The following MORN3 variants were observed in gnomAD, a reference collection of about 807,000 sequenced individuals.
MORN3 encodes MORN repeat containing 3.
In MORN3, 38 loss-of-function variants were observed where a neutral mutation model predicts 34.7. The observed-to-expected ratio is 1.10, with a 90% CI of 0.85 to 1.44. The LOEUF (loss-of-function observed/expected upper bound fraction) is 1.44. Among genes scored for constraint, MORN3 ranks in the 40% most tolerant of loss-of-function variants. The probability of loss-of-function intolerance (pLI) is 0.00; values close to 1 mark genes in which losing one functional copy is unlikely to be tolerated. For missense variants in MORN3, 311 were observed against 321.7 expected, an observed-to-expected ratio of 0.97 and a Z score of 0.25; for synonymous variants, 109 against 115.3, an observed-to-expected ratio of 0.95 and a Z score of 0.35.
chr12:121,665,490 G>C (rs1489808235), intron 1 of MORN3, among the ~76,000 whole-genome samples: 2 of 150,726 alleles, frequency 1.3e-5, no homozygotes. Context: ...GGTCTTGGCC[G>C]GGCGCGGTGG....
upstream of MORN3, among the ~76,000 whole-genome samples, chr12:121,671,954 G>C (rs1893980648): frequency 6.6e-6 from 1 of 151,848 alleles, no homozygotes; most frequent in Non-Finnish European, 1.5e-5. Context: ...GACTCCTCTT[G>C]GCTTACTCAG....
intron 1 of MORN3, among the ~76,000 whole-genome samples, chr12:121,668,711 C>G (rs545819861): frequency 4.6e-5 from 7 of 152,204 alleles, no homozygotes; most frequent in African/African-American, 1.7e-4. Flanking sequence ...CAGAGCAAGA[C>G]CTTGTCCCCT....
In MORN3 at chr12:121,649,924, T is replaced by G. The variant is rs1555324865; in HGVS notation, c.*1727A>C. On this transcript the variant is annotated 3_prime_UTR_variant, in exon 6 of 6. Coordinates refer to ENST00000355329, the MANE Select transcript of MORN3 (RefSeq NM_173855.5). ...ACTATGCTTAACCGCATCCCTGGTCTCTACTCACTCAATGCCAGTAGCCTT... is the reference window on the plus strand; with the variant it reads ...ACTATGCTTAACCGCATCCCTGGTCGCTACTCACTCAATGCCAGTAGCCTT... 1 of 150,458 alleles carries G rather than the reference T, an allele frequency of 6.6e-6. No homozygotes were observed. Among genetic ancestry groups the G allele is most frequent in the East Asian group, 2.0e-4 (1 of 5,126 alleles). 9.3% of individuals were successfully genotyped at this position (150,458 alleles called of 1,614,324 possible).
At chr12:121,669,825 TA>T (rs1566488418), upstream of MORN3, among the ~76,000 whole-genome samples, 4 of 117,372 alleles carry the variant, frequency 3.4e-5, no homozygotes, top group African/African-American at 1.2e-4. Context: ...TATATATATA[TA>T]TATATATTTT....
chr12:121,652,746 C>T lies in MORN3; in HGVS notation c.711G>A (p.Glu237=), dbSNP rs782474412. 6.2e-6 allele frequency: 10 copies of T among 1,614,204 alleles called. No homozygotes were observed. In the South Asian group the frequency reaches 8.8e-5, roughly 14 times the overall value. ...CCCTCACCTGGCATCAATCTCCTTC[C>T]TCTGTCTTCCTGAACATGGCCAAGG... ...AEALAMFRKT[E]EGD Residue 237 remains glutamate, a synonymous_variant, in exon 5 of 6, where the codon GAG becomes GAA. Coordinates refer to ENST00000355329, the MANE Select transcript of MORN3 (RefSeq NM_173855.5).
At chr12:121,652,846 G>A (rs1555325231) in intron 4 of MORN3, 38 bp from the exon 5 acceptor site, 1 of 1,607,656 alleles carries the variant, frequency 6.2e-7, no homozygotes, top group South Asian at 1.1e-5. Context: ...TGGAGAGCAT[G>A]GAGGACCCAG....
At chr12:121,671,924 T>C (rs997883991), upstream of MORN3, among the ~76,000 whole-genome samples, 2 of 151,578 alleles carry the variant, frequency 1.3e-5, no homozygotes, top group African/African-American at 4.9e-5. Flanking sequence ...GAGGTGTTAA[T>C]GCCATGTAAT....
At chr12:121,668,327 G>A (rs1478617034) in intron 1 of MORN3, among the ~76,000 whole-genome samples, 6 of 151,868 alleles carry the variant, frequency 4.0e-5, no homozygotes, top group Admixed American at 6.6e-5. Context: ...CGGATCACTC[G>A]AGGTCGGGAG....
chr12:121,658,042 TGG>T (rs1893460119), intron 2 of MORN3, among the ~76,000 whole-genome samples: 1 of 151,834 alleles, frequency 6.6e-6, no homozygotes, highest in Admixed American at 6.6e-5. Flanking sequence ...TCAGCACTCC[TGG>T]TTCACTGTCT....
chr12:121,656,822 T>C (rs1439131320), intron 2 of MORN3, among the ~76,000 whole-genome samples: 2 of 152,136 alleles, frequency 1.3e-5, no homozygotes, highest in Non-Finnish European at 2.9e-5. Flanking sequence ...TGCTTAGCCT[T>C]CTGTCCTGAA....
rs552177423 is a variant in MORN3 at position 121,655,944 on chromosome 12, G to T, written c.304-1511C>A. On this transcript the variant is annotated intron_variant, in intron 2 of 5. Coordinates refer to ENST00000355329, the MANE Select transcript of MORN3 (RefSeq NM_173855.5). Reference sequence around the variant, plus strand: ...TACTCGGGAGGCTGAGGCAGGAGAAGGCCGTGAACCAGGAGGCGGAGCTTG... The same window carrying T: ...TACTCGGGAGGCTGAGGCAGGAGAATGCCGTGAACCAGGAGGCGGAGCTTG... Among the ~76,000 whole-genome samples, 4 of 151,768 alleles carry T rather than the reference G, an allele frequency of 2.6e-5. No homozygotes were observed. The East Asian group carries it at 7.8e-4, about 30-fold the overall frequency.
rs782625580 is a variant in MORN3, at chr12:121,654,326, G to T, written c.411C>A (p.Tyr137Ter). 9.4e-6 allele frequency: 15 copies of T among 1,602,830 alleles called. No homozygotes were observed. The highest frequency in any genetic ancestry group is 1.3e-5 in the Non-Finnish European group (15 of 1,175,480). The change falls in exon 3 of 6, where the codon TAC becomes TAA. Residue 137 changes from tyrosine (Y) to a stop codon, truncating the protein, a stop_gained. Coordinates refer to ENST00000355329, the MANE Select transcript of MORN3 (RefSeq NM_173855.5). LOFTEE classifies it high-confidence loss of function. The stretch of plus-strand genomic sequence containing the variant: ...GCTTGTCGTTCTCCCACTGTCCCTC[G>T]TAGATGTCGCCGTTGCTGTAATACA... ...GRMYYSNGDIYEGQWENDKPN... is the reference protein window; with the variant it reads ...GRMYYSNGDI
chr12:121,672,342 C>T (rs1484347617), upstream of MORN3, among the ~76,000 whole-genome samples: 1 of 152,108 alleles, frequency 6.6e-6, no homozygotes, highest in Non-Finnish European at 1.5e-5. Context: ...GGCCTGTAGT[C>T]CCAGCTGCGC....
At chr12:121,669,813 C>CATAT (rs750751662), upstream of MORN3, among the ~76,000 whole-genome samples, 4,006 of 135,904 alleles carry the variant, frequency 0.029, 87 homozygotes, top group Non-Finnish European at 0.034. Flanking sequence ...GTCATATATA[C>CATAT]ATATATATAT....
Position 121,659,543 on chromosome 12 carries a change from T to C in MORN3, c.146-195A>G, listed in dbSNP as rs571488520. On this transcript the variant is annotated intron_variant, in intron 1 of 5. Transcript: ENST00000355329. ...TTCTTTCTTTCTTTCTTTCTTTCTT[T>C]TTTTTTTTTGAGGCAGTGTCTCACT... Among the ~76,000 whole-genome samples, 9 of 141,572 alleles carry C rather than the reference T, an allele frequency of 6.4e-5. No individual in the cohort carries two copies. In the South Asian group the frequency reaches 1.7e-3, roughly 27 times the overall value. The allele number at this position is 141,572 out of a possible 152,430, so 92.9% of individuals were successfully genotyped here. A position where few individuals can be genotyped will look rare whatever the true frequency, so the allele number is the denominator to read the frequency against.
chr12:121,660,415 G>A (rs111232801), intron 1 of MORN3, among the ~76,000 whole-genome samples: 23,752 of 135,746 alleles, frequency 0.17, 2,261 homozygotes, highest in South Asian at 0.33. Flanking sequence ...GCAGTGTTGC[G>A]ATCTCGGCTC....
upstream of MORN3, chr12:121,669,802 G>A (rs537431112): frequency 2.0e-5 from 4 of 200,374 alleles, no homozygotes; most frequent in Admixed American, 1.1e-4. Context: ...AGGGGGTGGC[G>A]GTCATATATA....
chr12:121,667,824 C>A (rs1566487088), intron 1 of MORN3, among the ~76,000 whole-genome samples: 2 of 150,510 alleles, frequency 1.3e-5, no homozygotes, highest in African/African-American at 2.4e-5. Flanking sequence ...CCTGGGTTCA[C>A]GCCATTCTCC....
intron 3 of MORN3, 107 bp from the exon 4 acceptor site, chr12:121,653,366 C>G: frequency 8.6e-7 from 1 of 1,165,726 alleles, no homozygotes; most frequent in Non-Finnish European, 1.2e-6. Context: ...ATTGGGAGGC[C>G]AAGATGGGAG....
Sources: gnomAD v4.1 joint callset for allele counts (sites outside exome capture counted in the v4.1 genomes callset) on GRCh38, gnomAD v4.1.1 for gene constraint, MANE v1.5 for transcripts, NCBI Gene and HGNC (gene_info 2026-07-23, HGNC 2026-07-21) for gene names.